The following SLC10A7 variants were observed in gnomAD, a reference collection of about 807,000 sequenced individuals.
SLC10A7 encodes the protein sodium/bile acid cotransporter 7.
SLC10A7 carries 29 observed loss-of-function variants against 43.2 expected under a neutral mutation model. The ratio of observed to expected loss-of-function variants is 0.67; its 90% CI spans 0.50 to 0.92. The LOEUF is 0.92. SLC10A7 is among the 40% of genes least tolerant of loss of function. The pLI, the probability that SLC10A7 is intolerant of heterozygous loss-of-function variation, is 0.00. For missense variants in SLC10A7, 295 were observed against 403.2 expected, an observed-to-expected ratio of 0.73 and a Z score of 2.30; for synonymous variants, 152 against 144.8, an observed-to-expected ratio of 1.05 and a Z score of -0.35.
chr4:146,498,307 G>A (rs1305392312), intron 4 of SLC10A7, among the ~76,000 whole-genome samples: 4 of 151,232 alleles, frequency 2.6e-5, no homozygotes, highest in Non-Finnish European at 5.9e-5. Flanking sequence ...TAGTAGAGAC[G>A]AGGTTTCCCC....
chr4:146,451,231 C>CAAA (rs572993886), intron 4 of SLC10A7, among the ~76,000 whole-genome samples: 13,654 of 71,394 alleles, frequency 0.19, 1,251 homozygotes, highest in Middle Eastern at 0.25. Flanking sequence ...AGTCTCCCAC[C>CAAA]AAAAAAAAAA....
intron 10 of SLC10A7, among the ~76,000 whole-genome samples, chr4:146,267,629 T>G (rs1327667385): frequency 2.0e-5 from 3 of 152,228 alleles, no homozygotes; most frequent in Non-Finnish European, 2.9e-5. Context: ...AACTAAAAAC[T>G]GCCAAATTCT....
intron 4 of SLC10A7, among the ~76,000 whole-genome samples, chr4:146,464,835 G>T (rs1214525549): frequency 6.6e-6 from 1 of 152,090 alleles, no homozygotes; most frequent in Non-Finnish European, 1.5e-5. Flanking sequence ...GCCACAGACG[G>T]TATCTTAGAC....
At chr4:146,481,507 C>G (rs1249510076) in intron 4 of SLC10A7, among the ~76,000 whole-genome samples, 1 of 152,216 alleles carries the variant, frequency 6.6e-6, no homozygotes, top group Non-Finnish European at 1.5e-5. Context: ...GCCTGAGTTA[C>G]CACTGTGCCT....
intron 5 of SLC10A7, among the ~76,000 whole-genome samples, chr4:146,436,098 C>T (rs1052539277): frequency 7.2e-5 from 11 of 152,004 alleles, no homozygotes; most frequent in African/African-American, 2.4e-4. Flanking sequence ...TCAGCCTCCA[C>T]CAAAATTAGA....
intron 10 of SLC10A7, among the ~76,000 whole-genome samples, chr4:146,263,490 A>G (rs1728363030): frequency 6.6e-6 from 1 of 152,244 alleles, no homozygotes; most frequent in Non-Finnish European, 1.5e-5. Context: ...TAGAAAAAAA[A>G]AGTAATAATT....
At chr4:146,458,546 T>G (rs1479887200) in intron 4 of SLC10A7, among the ~76,000 whole-genome samples, 1 of 151,906 alleles carries the variant, frequency 6.6e-6, no homozygotes, top group Non-Finnish European at 1.5e-5. Context: ...TAAGCAAAAC[T>G]TAAGTTGGAT....
chr4:146,292,216 T>C (rs897844517), intron 9 of SLC10A7, among the ~76,000 whole-genome samples: 1 of 152,144 alleles, frequency 6.6e-6, no homozygotes, highest in East Asian at 1.9e-4. Flanking sequence ...TGGATAACCA[T>C]TGAAGATATC....
At chr4:146,335,356 T>C (rs1350241946) in intron 5 of SLC10A7, among the ~76,000 whole-genome samples, 1 of 151,076 alleles carries the variant, frequency 6.6e-6, no homozygotes, top group South Asian at 2.1e-4. Context: ...TTGGTGTCAT[T>C]TCCCCTTGTC....
intron 5 of SLC10A7, among the ~76,000 whole-genome samples, chr4:146,385,803 C>T (rs564196359): frequency 1.3e-5 from 2 of 152,220 alleles, no homozygotes; most frequent in East Asian, 1.9e-4. Flanking sequence ...TCTTCATGTC[C>T]GTAAGTACCC....
chr4:146,383,413 G>A (rs201321197), intron 5 of SLC10A7, among the ~76,000 whole-genome samples: 3 of 152,062 alleles, frequency 2.0e-5, no homozygotes, highest in East Asian at 3.9e-4. Context: ...GGTGTACACC[G>A]AGTAAATAAC....
chr4:146,335,251 TAAAAAAAAAAAAAAAA>T (rs34522588), intron 5 of SLC10A7, among the ~76,000 whole-genome samples: 8 of 92,640 alleles, frequency 8.6e-5, no homozygotes, highest in African/African-American at 1.7e-4. Context: ...ACAGATGTTG[TAAAAAAAAAAAAAAAA>T]AAAAAAAAAA....
At chr4:146,393,266 T>C (rs1738580822) in intron 5 of SLC10A7, among the ~76,000 whole-genome samples, 2 of 149,654 alleles carry the variant, frequency 1.3e-5, no homozygotes, top group African/African-American at 2.5e-5. Flanking sequence ...TTATGCTCCA[T>C]TCTTTACATG....
chr4:146,259,179 T>TA (rs556203251), intron 10 of SLC10A7, among the ~76,000 whole-genome samples: 25 of 152,320 alleles, frequency 1.6e-4, no homozygotes, highest in Middle Eastern at 3.4e-3. Context: ...AGGGAGATGC[T>TA]AAAAATGGAT....
intron 5 of SLC10A7, among the ~76,000 whole-genome samples, chr4:146,401,414 C>T (rs1316374500): frequency 6.6e-6 from 1 of 152,136 alleles, no homozygotes; most frequent in Non-Finnish European, 1.5e-5. Flanking sequence ...AACAAAGGGG[C>T]AAACACACAG....
In SLC10A7 at chr4:146,346,895, C is replaced by T. The variant is rs543350884; in HGVS notation, c.436-20899G>A. On this transcript the variant is annotated intron_variant, in intron 5 of 11. Transcript: ENST00000335472. ...AACAAATAATTTTTGGATACCTACT[C>T]TATGATAGGCATACCCAAGAGGAGG... Among the ~76,000 whole-genome samples the T allele has an allele frequency of 2.7e-3, 406 of 152,162 alleles. 1 individual carries two copies. Among genetic ancestry groups the T allele is most frequent in the African/African-American group, 9.2e-3 (381 of 41,506 alleles).
intron 9 of SLC10A7, among the ~76,000 whole-genome samples, chr4:146,288,895 T>A (rs1730215987): frequency 6.6e-6 from 1 of 152,240 alleles, no homozygotes; most frequent in Non-Finnish European, 1.5e-5. Context: ...TTTTTATTCT[T>A]TCTTACAAAG....
intron 4 of SLC10A7, 144 bp downstream of exon 4, chr4:146,503,705 T>A (rs1441905727): frequency 4.5e-6 from 3 of 667,134 alleles, no homozygotes; most frequent in Admixed American, 5.5e-5. Flanking sequence ...CATGCTAGTA[T>A]GTGAGTACAC....
chr4:146,494,204 G>A (rs781310661), intron 4 of SLC10A7, among the ~76,000 whole-genome samples: 5 of 152,168 alleles, frequency 3.3e-5, no homozygotes, highest in Non-Finnish European at 7.3e-5. Flanking sequence ...CCTTGTATGG[G>A]GAAACCAAAA....
Sources: gnomAD v4.1 joint callset for allele counts (sites outside exome capture counted in the v4.1 genomes callset) on GRCh38, gnomAD v4.1.1 for gene constraint, MANE v1.5 for transcripts, NCBI Gene and HGNC (gene_info 2026-07-23, HGNC 2026-07-21) for gene names.